TCHH: variants seen among roughly 807,000 people sequenced by gnomAD.
TCHH encodes the protein trichohyalin.
TCHH carries 6 observed loss-of-function variants against 6.3 expected under a neutral mutation model. That is an observed-to-expected ratio of 0.95 (90% CI 0.52 to 1.88). The LOEUF is 1.88. Ranked by LOEUF, TCHH falls within the 40% of genes most tolerant of loss-of-function variation. The pLI, the probability that TCHH is intolerant of heterozygous loss-of-function variation, is 0.01. For synonymous variants in TCHH, 1,087 were observed against 963.6 expected (o/e 1.13, Z -2.37); for missense variants, 2,920 against 2,449.1 (o/e 1.19, Z -4.06).
chr1:152,109,054 CGTTCCTGGCGGCGCAGCCGCT>C lies in TCHH; in HGVS notation c.4142_4162del (p.Gln1381_Glu1387del), dbSNP rs1308649398. 1.2e-5 allele frequency: 20 copies of C among 1,613,336 alleles called. No homozygotes were observed. Among genetic ancestry groups the C allele is most frequent in the Non-Finnish European group, 1.7e-5 (20 of 1,179,902 alleles). ...TTCCTCCTTAAGGAATTTTCTCTCC[CGTTCCTGGCGGCGCAGCCGCT>C]GTTCCTCCTCGAGGAATTTTCTCCC... On this transcript the variant is annotated inframe_deletion, in exon 3 of 3. Transcript: ENST00000614923.
rs2101521403 is a variant in TCHH at position 152,107,099 on chromosome 1, T to G, written c.*286A>C. 3.6e-6 allele frequency: 1 copy of G among 274,076 alleles called. No homozygotes were observed. Among genetic ancestry groups the G allele is most frequent in the Middle Eastern group, 1.1e-3 (1 of 906 alleles). 17.0% of individuals were successfully genotyped at this position (274,076 alleles called of 1,614,324 possible). A position where few individuals can be genotyped will look rare whatever the true frequency, so the allele number is the denominator to read the frequency against. ...AATGAACATGTTCCTCAAACAAAAT[T>G]TCTTAAACAAATTAAATGATTTATA... is the stretch of plus-strand genomic sequence containing the variant. On this transcript the variant is annotated 3_prime_UTR_variant, in exon 3 of 3. Coordinates refer to ENST00000614923, the MANE Select transcript of TCHH (RefSeq NM_007113.4).
Position 152,106,635 on chromosome 1 carries a change from C to T in TCHH, c.*750G>A, listed in dbSNP as rs1239446789. On this transcript the variant is annotated 3_prime_UTR_variant, in exon 3 of 3. Transcript: ENST00000614923. ...GGGGAAGTAGAATGAACACTATAGA[C>T]TACAACAGACACAGTTTTAAAATTT... The T allele has an allele frequency of 6.6e-6, 1 of 152,152 alleles. No homozygotes were observed. The highest frequency in any genetic ancestry group is 2.4e-5 in the African/African-American group (1 of 41,428). The allele number at this position is 152,152 out of a possible 1,614,324, so 9.4% of individuals were successfully genotyped here. A position where few individuals can be genotyped will look rare whatever the true frequency, so the allele number is the denominator to read the frequency against.
At position 152,110,900 on chromosome 1, in the gene TCHH, C is replaced by G. The variant is rs1658316462; in HGVS notation, c.2317G>C (p.Ala773Pro). 1.9e-6 allele frequency: 3 copies of G among 1,612,212 alleles called. No homozygotes were observed. Among genetic ancestry groups the G allele is most frequent in the Non-Finnish European group, 1.7e-6 (2 of 1,179,878 alleles). ...QRRDFTWQWQ[A>P]EEKSERGRQR... is the part of the protein sequence containing the mutation. ...CGGCCCCTCTCGCTCTTTTCCTCCG[C>G]CTGCCACTGCCATGTGAAGTCCCGG... The change falls in exon 3 of 3, where the codon GCG (alanine) becomes CCG (proline). Residue 773 changes from alanine to proline, a missense_variant. Coordinates refer to ENST00000614923, the MANE Select transcript of TCHH (RefSeq NM_007113.4).
In TCHH at chr1:152,109,169, C is replaced by T. The variant is rs1197126270; in HGVS notation, c.4048G>A (p.Glu1350Lys). The T allele has an allele frequency of 1.2e-6, 2 of 1,613,602 alleles. No individual in the cohort carries two copies. The highest frequency in any genetic ancestry group is 1.7e-6 in the Non-Finnish European group (2 of 1,179,760). ...EEEQLLQERE[E>K]QPLRRQERDR... The stretch of plus-strand genomic sequence containing the variant: ...CGCTCTTGGCGGCGCAGCGGCTGTT[C>T]CTCCCTTTCCTGGAGCAGCTGTTCC... The change falls in exon 3 of 3, where the codon GAA (glutamate) becomes AAA (lysine). Residue 1350 changes from glutamate (E) to lysine (K), a missense_variant. Glu to Lys is a moderately conservative substitution (Grantham distance 56). Transcript: ENST00000614923.
Position 152,109,550 on chromosome 1 carries a change from G to A in TCHH, c.3667C>T (p.Leu1223=). 1 of 1,614,236 alleles carries A rather than the reference G, an allele frequency of 6.2e-7. No individual in the cohort carries two copies. The highest frequency in any genetic ancestry group is 8.5e-7 in the Non-Finnish European group (1 of 1,180,052). The stretch of plus-strand genomic sequence containing the variant: ...TTTTCTGGTTCCCACTGCCATTTCA[G>A]ATCACTGCGCTGATCCTCATCCCGG... ...RYRDEDQRSD[L]KWQWEPEKEN... Residue 1223 remains leucine (L), a synonymous_variant, in exon 3 of 3, where the codon CTG becomes TTG. Transcript: ENST00000614923.
chr1:152,108,989 G>C lies in TCHH; in HGVS notation c.4228C>G (p.Gln1410Glu). Residue 1410 changes from glutamine to glutamate, a missense_variant, in exon 3 of 3, where the codon CAG becomes GAG. Gln to Glu is a conservative substitution (Grantham distance 29). Transcript: ENST00000614923. Reference sequence around the variant, plus strand: ...TCGCGGAATTTTCTGTCGCGGTCCTGACGCAGCTGTTGCTCGCGCTCCTGG... The same window carrying C: ...TCGCGGAATTTTCTGTCGCGGTCCTCACGCAGCTGTTGCTCGCGCTCCTGG... ...RCQEREQQLR[Q>E]DRDRKFREEE... is the part of the protein sequence containing the mutation. 1 of 1,609,578 alleles carries C rather than the reference G, an allele frequency of 6.2e-7. No individual in the cohort carries two copies. Among genetic ancestry groups the C allele is most frequent in the Non-Finnish European group, 8.5e-7 (1 of 1,178,984 alleles).
At position 152,108,550 on chromosome 1, in the gene TCHH, T is replaced by C. The variant is rs745499355; in HGVS notation, c.4667A>G (p.Lys1556Arg). 6.2e-7 allele frequency: 1 copy of C among 1,604,816 alleles called. No individual in the cohort carries two copies. The highest frequency in any genetic ancestry group is 8.5e-7 in the Non-Finnish European group (1 of 1,177,800). The stretch of plus-strand genomic sequence containing the variant: ...GCGCAGCTGTTCCTCCTCGCGGAAT[T>C]TTCTGTCACGGTCCTGACGCCGCTG... ...GQQRRQDRDR[K>R]FREEEQLRQE... Residue 1556 changes from lysine (K) to arginine (R), a missense_variant, in exon 3 of 3, where the codon AAA becomes AGA. Coordinates refer to ENST00000614923, the MANE Select transcript of TCHH (RefSeq NM_007113.4).
At position 152,112,863 on chromosome 1, in the gene TCHH, G is replaced by T; in HGVS notation, c.354C>A (p.Asp118Glu). The T allele has an allele frequency of 6.2e-7, 1 of 1,613,652 alleles. No individual in the cohort carries two copies. Among genetic ancestry groups the T allele is most frequent in the East Asian group, 2.2e-5 (1 of 44,832 alleles). The change falls in exon 3 of 3, where the codon GAC (aspartate) becomes GAA (glutamate). Residue 118 changes from aspartate to glutamate, a missense_variant. Transcript: ENST00000614923. ...TGTCCCGGGGCTCGAATCTCCTTTG[G>T]TCTTCTTCTTGCCTGCGATCTTGTA... ...SLLQDRRQEE[D>E]QRRFEPRDRQ...
Position 152,112,942 on chromosome 1 carries a change from G to A in TCHH, c.275C>T (p.Ala92Val). 6.2e-7 allele frequency: 1 copy of A among 1,613,932 alleles called. No homozygotes were observed. Among genetic ancestry groups the A allele is most frequent in the African/African-American group, 1.3e-5 (1 of 74,966 alleles). The change falls in exon 3 of 3, where the codon GCC becomes GTC. Residue 92 changes from alanine (A) to valine (V), a missense_variant. Coordinates refer to ENST00000614923, the MANE Select transcript of TCHH (RefSeq NM_007113.4). ...AQACYYALGQ[A>V]TGLDEEKRAR... Reference sequence around the variant, plus strand: ...TCGCTTCTCCTCATCCAGTCCCGTGGCCTGGCCGAGAGCATAGTAACAAGC... The same window carrying A: ...TCGCTTCTCCTCATCCAGTCCCGTGACCTGGCCGAGAGCATAGTAACAAGC...
At position 152,110,405 on chromosome 1, in the gene TCHH, G is replaced by T. The variant is rs1364966093; in HGVS notation, c.2812C>A (p.Gln938Lys). 6.2e-7 allele frequency: 1 copy of T among 1,613,570 alleles called. No individual in the cohort carries two copies. The highest frequency in any genetic ancestry group is 8.5e-7 in the Non-Finnish European group (1 of 1,179,966). ...RQYREEEQLQ[Q>K]EEEQLLREER... ...TCTCTCAGCAGCTGCTCTTCCTCCTGCTGCAGCTGCTCTTCCTCGCGGTAT... is the reference window on the plus strand; with the variant it reads ...TCTCTCAGCAGCTGCTCTTCCTCCTTCTGCAGCTGCTCTTCCTCGCGGTAT... The change falls in exon 3 of 3, where the codon CAG becomes AAG. Residue 938 changes from glutamine (Q) to lysine (K), a missense_variant. By Grantham distance (53) the Gln-to-Lys change is moderately conservative (BLOSUM62 1). Transcript: ENST00000614923.
At position 152,112,361 on chromosome 1, in the gene TCHH, G is replaced by T. The variant is rs749640421; in HGVS notation, c.856C>A (p.Leu286Met). The T allele has an allele frequency of 1.2e-6, 2 of 1,613,548 alleles. No homozygotes were observed. Among genetic ancestry groups the T allele is most frequent in the South Asian group, 2.2e-5 (2 of 91,066 alleles). Residue 286 changes from leucine to methionine, a missense_variant, in exon 3 of 3, where the codon CTG becomes ATG. Transcript: ENST00000614923. ...TCTTCCTCCTGGCGCTCCCTCCTCA[G>T]CTCTTGCCGCTCCAGCTTCCGTAGC... ...EQLRKLERQE[L>M]RRERQEEEQQ... is the part of the protein sequence containing the mutation.
intron 2 of TCHH, 117 bp from the exon 3 acceptor site, chr1:152,113,195 A>G: frequency 9.6e-7 from 1 of 1,038,614 alleles, no homozygotes; most frequent in Non-Finnish European, 1.4e-6. Flanking sequence ...CAGAGCAATT[A>G]GAAAAATGTC....
In TCHH at chr1:152,111,377, C is replaced by T. The variant is rs937085555; in HGVS notation, c.1840G>A (p.Glu614Lys). The part of the protein sequence containing the change: ...REEVERLEQE[E>K]RREQRLKREE... ...CGCTTCAGCCGCTGCTCGCGCCTCT[C>T]CTCCTGCTCGAGTCTCTCCACCTCC... Residue 614 changes from glutamate (E) to lysine (K), a missense_variant, in exon 3 of 3, where the codon GAG becomes AAG. Coordinates refer to ENST00000614923, the MANE Select transcript of TCHH (RefSeq NM_007113.4). 4.4e-6 allele frequency: 7 copies of T among 1,608,432 alleles called. No individual in the cohort carries two copies. Among genetic ancestry groups the T allele is most frequent in the African/African-American group, 2.7e-5 (2 of 73,418 alleles).
rs758771254 is a variant in TCHH at position 152,111,795 on chromosome 1, C to T, written c.1422G>A (p.Gln474=). The change falls in exon 3 of 3, where the codon CAG becomes CAA. Residue 474 remains glutamine (Q), a synonymous_variant. Transcript: ENST00000614923. ...TERHEQERRK[Q]QLKRDQEEER... is the part of the protein sequence containing the mutation. ...CCTCCTCCTGGTCGCGCTTCAGCTG[C>T]TGCTTGCGCCTCTCCTGCTCGTGCC... 41 of 1,605,048 alleles carry T rather than the reference C, an allele frequency of 2.6e-5. 2 individuals carry two copies. In the South Asian group the frequency reaches 3.9e-4, roughly 15 times the overall value.
In TCHH at chr1:152,108,373, T is replaced by TGGCGCAGCTGTTGTTGGCCCTCCTGGC. The variant is rs763752326; in HGVS notation, c.4817_4843dup (p.Arg1606_Arg1614dup). 1.2e-6 allele frequency: 2 copies of TGGCGCAGCTGTTGTTGGCCCTCCTGGC among 1,612,516 alleles called. No homozygotes were observed. The highest frequency in any genetic ancestry group is 2.2e-5 in the East Asian group (1 of 44,720). ...TTCGCGGAATTTTCTGTCGCGCTCC[T>TGGCGCAGCTGTTGTTGGCCCTCCTGGC]GGCGCAGCTGTTGTTGGCCCTCCTG... On this transcript the variant is annotated inframe_insertion, in exon 3 of 3. Transcript: ENST00000614923.
chr1:152,106,585 A>C lies in TCHH; in HGVS notation c.*800T>G, dbSNP rs1372932267. 6.6e-6 allele frequency: 1 copy of C among 152,214 alleles called. No homozygotes were observed. Among genetic ancestry groups the C allele is most frequent in the Admixed American group, 6.5e-5 (1 of 15,286 alleles). 9.4% of individuals were successfully genotyped at this position (152,214 alleles called of 1,614,324 possible). ...CAAGCTAAAATTAACAAAGGTTCAT[A>C]ATATTCTGAAACTCATCAAAACTTG... On this transcript the variant is annotated 3_prime_UTR_variant, in exon 3 of 3. Transcript: ENST00000614923.
In TCHH at chr1:152,107,421, C is replaced by T. The variant is rs1375866344; in HGVS notation, c.5796G>A (p.Glu1932=). The change falls in exon 3 of 3, where the codon GAG becomes GAA. Residue 1932 remains glutamate, a synonymous_variant. Transcript: ENST00000614923. The part of the protein sequence containing the change: ...SVPVRSSPLY[E]YIQEQRSQYR... Reference sequence around the variant, plus strand: ...ATTGAGATCTCTGCTCTTGGATGTACTCATAGAGAGGGCTGGAGCGCACTG... The same window carrying T: ...ATTGAGATCTCTGCTCTTGGATGTATTCATAGAGAGGGCTGGAGCGCACTG... The T allele has an allele frequency of 1.2e-6, 2 of 1,604,728 alleles. No individual in the cohort carries two copies. The highest frequency in any genetic ancestry group is 1.7e-6 in the Non-Finnish European group (2 of 1,175,642).
rs551232486 is a variant in TCHH at position 152,109,215 on chromosome 1, T to C, written c.4002A>G (p.Thr1334=). The change falls in exon 3 of 3, where the codon ACA becomes ACG. Residue 1334 remains threonine, a synonymous_variant. Coordinates refer to ENST00000614923, the MANE Select transcript of TCHH (RefSeq NM_007113.4). ...EREEKRRRQE[T]DRKFREEEQL... Reference sequence around the variant, plus strand: ...GTTCCTCCTCGCGGAATTTTCTGTCTGTCTCTTGACGGCGTCTCTTCTCTT... The same window carrying C: ...GTTCCTCCTCGCGGAATTTTCTGTCCGTCTCTTGACGGCGTCTCTTCTCTT... 85 of 1,614,268 alleles carry C rather than the reference T, an allele frequency of 5.3e-5. No homozygotes were observed. Among genetic ancestry groups the C allele is most frequent in the Non-Finnish European group, 7.1e-5 (84 of 1,180,040 alleles).
At position 152,111,558 on chromosome 1, in the gene TCHH, C is replaced by G; in HGVS notation, c.1659G>C (p.Glu553Asp). The G allele has an allele frequency of 6.2e-7, 1 of 1,603,140 alleles. No homozygotes were observed. Among genetic ancestry groups the G allele is most frequent in the Non-Finnish European group, 8.5e-7 (1 of 1,170,884 alleles). Residue 553 changes from glutamate (E) to aspartate (D), a missense_variant, in exon 3 of 3, where the codon GAG becomes GAC. Coordinates refer to ENST00000614923, the MANE Select transcript of TCHH (RefSeq NM_007113.4). ...EERREQLLKR[E>D]EEKRLEQERR... is the part of the protein sequence containing the mutation. Reference sequence around the variant, plus strand: ...TCTCCTGCTCGAGCCTCTTCTCCTCCTCGCGCTTCAGCAGCTGCTCGCGCC... The same window carrying G: ...TCTCCTGCTCGAGCCTCTTCTCCTCGTCGCGCTTCAGCAGCTGCTCGCGCC...
Sources: allele counts gnomAD v4.1 joint callset, GRCh38; gene constraint gnomAD v4.1.1; transcripts MANE v1.5; gene names NCBI Gene and HGNC (gene_info 2026-07-23, HGNC 2026-07-21).